Variants in KIF21A observed in about 807,000 individuals in gnomAD.
The protein encoded by KIF21A is kinesin-like protein KIF21A.
In KIF21A, 114 loss-of-function variants were observed where a neutral mutation model predicts 202.9. The ratio of observed to expected loss-of-function variants is 0.56; its 90% confidence interval spans 0.48 to 0.66. The LOEUF is 0.66. Among genes scored for constraint, KIF21A ranks in the 30% least tolerant of loss-of-function variants. The pLI is 0.00. For missense variants in KIF21A, 1,677 were observed against 1,994.9 expected (o/e 0.84, Z 3.04); for synonymous variants, 667 against 670.8 (o/e 0.99, Z 0.09).
At position 39,330,841 on chromosome 12, in the gene KIF21A, G is replaced by A. The variant is rs745833102; in HGVS notation, c.3224C>T (p.Thr1075Ile). 4.3e-6 allele frequency: 7 copies of A among 1,613,874 alleles called. No individual in the cohort carries two copies. The Middle Eastern group carries it at 4.9e-4, about 114-fold the overall frequency. Reference sequence around the variant, plus strand: ...TAAGAGCTGGTTTTGGGTAGCACTGGTTATTTCTGTTTGTTTGAGTCGACC... The same window carrying A: ...TAAGAGCTGGTTTTGGGTAGCACTGATTATTTCTGTTTGTTTGAGTCGACC... ...LEGRLKQTEITSATQNQLLFH... is the reference protein window; with the variant it reads ...LEGRLKQTEIISATQNQLLFH... Residue 1075 changes from threonine to isoleucine, a missense_variant, in exon 23 of 38, where the codon ACC becomes ATC. Transcript: ENST00000361418.
chr12:39,297,365 A>T (rs1417146172), intron 37 of KIF21A, among the ~76,000 whole-genome samples: 1 of 152,210 alleles, frequency 6.6e-6, no homozygotes, highest in African/African-American at 2.4e-5. Flanking sequence ...AGACTGGATT[A>T]AGAAAATGTC....
intron 1 of KIF21A, among the ~76,000 whole-genome samples, chr12:39,414,761 T>C (rs536359288): frequency 6.6e-6 from 1 of 152,280 alleles, no homozygotes; most frequent in South Asian, 2.1e-4. Flanking sequence ...CTTTGATTTA[T>C]AACAAAAATT....
chr12:39,432,562 T>C (rs1029121810), intron 1 of KIF21A, among the ~76,000 whole-genome samples: 1 of 152,156 alleles, frequency 6.6e-6, no homozygotes, highest in Non-Finnish European at 1.5e-5. Flanking sequence ...AGATGGTGTA[T>C]AATATTTAGC....
At chr12:39,404,958 A>G (rs1952466901) in intron 1 of KIF21A, among the ~76,000 whole-genome samples, 4 of 151,320 alleles carry the variant, frequency 2.6e-5, no homozygotes, top group Admixed American at 2.6e-4. Context: ...TGTCTATGGA[A>G]AGTAAATTTT....
At chr12:39,432,029 T>C (rs1937990476) in intron 1 of KIF21A, among the ~76,000 whole-genome samples, 1 of 152,190 alleles carries the variant, frequency 6.6e-6, no homozygotes, top group South Asian at 2.1e-4. Context: ...ACCTCCACTT[T>C]AGGACAGGAC....
At chr12:39,391,889 C>A (rs2139664833) in intron 1 of KIF21A, among the ~76,000 whole-genome samples, 1 of 152,120 alleles carries the variant, frequency 6.6e-6, no homozygotes, top group Non-Finnish European at 1.5e-5. Context: ...CAGGCACCTG[C>A]CATTACACCC....
intron 17 of KIF21A, 139 bp from the exon 18 acceptor site, chr12:39,333,419 T>A: frequency 1.5e-6 from 1 of 674,914 alleles, no homozygotes; most frequent in Non-Finnish European, 2.6e-6. Flanking sequence ...CTTGTATATA[T>A]TATTACAGGT....
At chr12:39,382,059 T>A (rs1950649691) in intron 1 of KIF21A, among the ~76,000 whole-genome samples, 1 of 152,142 alleles carries the variant, frequency 6.6e-6, no homozygotes, top group South Asian at 2.1e-4. Flanking sequence ...ACAGCAACCA[T>A]CTTTTAAAAT....
chr12:39,304,335 C>T (rs1173849774), intron 35 of KIF21A, among the ~76,000 whole-genome samples: 1 of 152,210 alleles, frequency 6.6e-6, no homozygotes, highest in Non-Finnish European at 1.5e-5. Context: ...ATCTGGTTCT[C>T]TTTGAATGGC....
intron 5 of KIF21A, 125 bp from the exon 6 acceptor site, chr12:39,366,642 T>C (rs529981871): frequency 4.1e-6 from 3 of 729,658 alleles, no homozygotes; most frequent in Non-Finnish European, 6.7e-6. Flanking sequence ...TAAAGCCAAA[T>C]AAATTCAAAA....
intron 1 of KIF21A, among the ~76,000 whole-genome samples, chr12:39,371,087 C>A (rs1217328418): frequency 2.0e-5 from 3 of 152,046 alleles, no homozygotes; most frequent in Non-Finnish European, 4.4e-5. Context: ...AGTTATTATA[C>A]TGCATTATTT....
intron 1 of KIF21A, among the ~76,000 whole-genome samples, chr12:39,416,676 T>TATATGTGTGTATATATATATGTAC (rs1953669475): frequency 7.6e-6 from 1 of 130,954 alleles, no homozygotes; most frequent in African/African-American, 3.4e-5. Context: ...TATATGTACA[T>TATATGTGTGTATATATATATGTAC]ATATATGTGT....
chr12:39,432,177 T>C (rs1457565986), intron 1 of KIF21A, among the ~76,000 whole-genome samples: 1 of 152,236 alleles, frequency 6.6e-6, no homozygotes, highest in Non-Finnish European at 1.5e-5. Context: ...TTGTGTTTGA[T>C]TTACCATCAC....
chr12:39,416,567 G>A (rs780408592), intron 1 of KIF21A, among the ~76,000 whole-genome samples: 11 of 149,802 alleles, frequency 7.3e-5, no homozygotes, highest in Non-Finnish European at 1.6e-4. Flanking sequence ...CTGCACTCCA[G>A]CCTGGGTGAC....
chr12:39,297,332 C>CA (rs1171064328), intron 37 of KIF21A, among the ~76,000 whole-genome samples: 6 of 152,002 alleles, frequency 3.9e-5, no homozygotes, highest in African/African-American at 1.5e-4. Flanking sequence ...GACTTGGAAC[C>CA]AACCCAAATG....
intron 26 of KIF21A, among the ~76,000 whole-genome samples, chr12:39,325,456 C>G (rs1000492131): frequency 6.6e-6 from 1 of 150,640 alleles, no homozygotes; most frequent in Admixed American, 6.6e-5. Flanking sequence ...CTCAGCCTCC[C>G]GAGTAGCTGG....
intron 16 of KIF21A, among the ~76,000 whole-genome samples, chr12:39,339,696 T>A (rs1342834863): frequency 6.6e-6 from 1 of 152,164 alleles, no homozygotes; most frequent in Non-Finnish European, 1.5e-5. Flanking sequence ...AGAAAATTAG[T>A]GCTTCTCTAA....
intron 1 of KIF21A, among the ~76,000 whole-genome samples, chr12:39,392,477 G>C (rs917121029): frequency 6.6e-6 from 1 of 152,088 alleles, no homozygotes; most frequent in Non-Finnish European, 1.5e-5. Flanking sequence ...TTCCTTGAAG[G>C]AGCTTTCACA....
intron 1 of KIF21A, among the ~76,000 whole-genome samples, chr12:39,400,817 G>A (rs189322666): frequency 1.2e-3 from 186 of 152,226 alleles, no homozygotes; most frequent in Non-Finnish European, 2.2e-3. Context: ...AAAGAGACAT[G>A]TACTGCCAAG....
Sources: allele counts gnomAD v4.1 joint callset (sites outside exome capture counted in the v4.1 genomes callset), GRCh38; gene constraint gnomAD v4.1.1; transcripts MANE v1.5; gene names NCBI Gene and HGNC (gene_info 2026-07-23, HGNC 2026-07-21).